NWD2: variants seen among roughly 807,000 people sequenced by gnomAD.
NWD2 encodes the protein NACHT and WD repeat domain containing 2.
NWD2 carries 37 observed loss-of-function variants against 132.7 expected under a neutral mutation model. That is an observed-to-expected ratio of 0.28 (90% CI 0.21 to 0.37). The LOEUF (loss-of-function observed/expected upper bound fraction) is 0.37. Ranked by LOEUF, NWD2 falls within the 10% of genes least tolerant of loss-of-function variation. NWD2 has a pLI of 1.00. For synonymous variants in NWD2, 705 were observed against 803.0 expected, an observed-to-expected ratio of 0.88 and a Z score of 2.06; for missense variants, 1,592 against 2,122.4, an observed-to-expected ratio of 0.75 and a Z score of 4.91.
intron 1 of NWD2, among the ~76,000 whole-genome samples, chr4:37,257,085 C>T (rs566705754): frequency 1.3e-5 from 2 of 152,230 alleles, no homozygotes; most frequent in East Asian, 3.9e-4. Context: ...CTCACTGCCC[C>T]ATGGACGGAC....
At chr4:37,437,250 C>T (rs540916364) in intron 5 of NWD2, among the ~76,000 whole-genome samples, 1 of 152,224 alleles carries the variant, frequency 6.6e-6, no homozygotes, top group East Asian at 1.9e-4. Context: ...GATCAAAGCA[C>T]CTGCAGATTC....
chr4:37,409,535 G>T (rs1317151818), intron 3 of NWD2, among the ~76,000 whole-genome samples: 1 of 152,076 alleles, frequency 6.6e-6, no homozygotes, highest in Non-Finnish European at 1.5e-5. Context: ...ACGTGTGATT[G>T]GTGTACCTGA....
chr4:37,279,937 G>GGAAA (rs969336160), intron 1 of NWD2, among the ~76,000 whole-genome samples: 4 of 152,250 alleles, frequency 2.6e-5, no homozygotes, highest in African/African-American at 9.6e-5. Flanking sequence ...AAGAGTGAGG[G>GGAAA]GAAAGCCTTT....
intron 3 of NWD2, among the ~76,000 whole-genome samples, chr4:37,366,075 TAA>T (rs1037839778): frequency 2.2e-4 from 33 of 152,220 alleles, no homozygotes; most frequent in Non-Finnish European, 4.3e-4. Flanking sequence ...CATTTCTTGG[TAA>T]GCTGGCTTTA....
intron 3 of NWD2, among the ~76,000 whole-genome samples, chr4:37,384,609 A>C (rs1720521765): frequency 6.6e-6 from 1 of 152,218 alleles, no homozygotes; most frequent in Admixed American, 6.5e-5. Flanking sequence ...TAATGCTAGA[A>C]CTGCTGGTGT....
intron 1 of NWD2, among the ~76,000 whole-genome samples, chr4:37,282,933 C>T (rs984822355): frequency 2.6e-5 from 4 of 152,122 alleles, no homozygotes; most frequent in African/African-American, 7.2e-5. Flanking sequence ...TACTATGTAA[C>T]TTACAGATTA....
At chr4:37,348,675 T>TACAC (rs1172614596) in intron 2 of NWD2, among the ~76,000 whole-genome samples, 4,253 of 22,322 alleles carry the variant, frequency 0.19, 1,007 homozygotes, top group Middle Eastern at 0.28. Flanking sequence ...TATATATATA[T>TACAC]ACACACACAC....
At chr4:37,276,494 G>A (rs1718015911) in intron 1 of NWD2, among the ~76,000 whole-genome samples, 1 of 152,134 alleles carries the variant, frequency 6.6e-6, no homozygotes, top group African/African-American at 2.4e-5. Context: ...ACTGTTGGTG[G>A]GAACATAAAC....
rs1033000662 is a variant in NWD2, at chr4:37,448,619, T to C, written c.*1402T>C. The C allele has an allele frequency of 6.6e-6, 1 of 152,242 alleles. No individual in the cohort carries two copies. Among genetic ancestry groups the C allele is most frequent in the African/African-American group, 2.4e-5 (1 of 41,458 alleles). The allele number at this position is 152,242 out of a possible 1,614,324, so 9.4% of individuals were successfully genotyped here. On this transcript the variant is annotated 3_prime_UTR_variant, in exon 7 of 7. Transcript: ENST00000309447. ...ACACTTTTGGTTGAGTTTAGTTTTC[T>C]TAGAAAGTAGAGAAGTAACACTTTA...
At chr4:37,277,333 T>C (rs183972998) in intron 1 of NWD2, among the ~76,000 whole-genome samples, 114 of 152,192 alleles carry the variant, frequency 7.5e-4, no homozygotes, top group African/African-American at 2.4e-3. Context: ...TGGAACGTTT[T>C]AGCTGTTATT....
chr4:37,307,648 T>C (rs1379264054), intron 1 of NWD2, among the ~76,000 whole-genome samples: 1 of 152,214 alleles, frequency 6.6e-6, no homozygotes, highest in East Asian at 1.9e-4. Flanking sequence ...TTCCTGTATC[T>C]GAATATCCAT....
intron 6 of NWD2, among the ~76,000 whole-genome samples, chr4:37,442,207 C>T (rs1235625571): frequency 6.6e-6 from 1 of 152,146 alleles, no homozygotes; most frequent in East Asian, 1.9e-4. Context: ...ACAAACTTAC[C>T]TCCTAATGTG....
At chr4:37,384,363 G>A (rs539027092) in intron 3 of NWD2, among the ~76,000 whole-genome samples, 3 of 152,236 alleles carry the variant, frequency 2.0e-5, no homozygotes, top group African/African-American at 7.2e-5. Context: ...CTGGTTCCTA[G>A]GGATAAGCCC....
intron 1 of NWD2, among the ~76,000 whole-genome samples, chr4:37,272,859 C>G (rs527492654): frequency 6.6e-6 from 1 of 151,722 alleles, no homozygotes; most frequent in Non-Finnish European, 1.5e-5. Context: ...GTGTAAACCA[C>G]CTTTCTGATG....
chr4:37,332,427 T>C lies in NWD2; in HGVS notation c.240+6403T>C, dbSNP rs186946118. Among the ~76,000 whole-genome samples, 800 of 148,278 alleles carry C rather than the reference T, an allele frequency of 5.4e-3. 12 individuals are homozygous for C. Among genetic ancestry groups the C allele is most frequent in the African/African-American group, 0.019 (758 of 39,984 alleles). On this transcript the variant is annotated intron_variant, in intron 2 of 6. Transcript: ENST00000309447. ...CTCCCAGATGACATTTTTATACATA[T>C]CTTAGGCCAGAAGGTAACCTGCTGC...
intron 1 of NWD2, among the ~76,000 whole-genome samples, chr4:37,283,179 A>G (rs543812312): frequency 1.1e-4 from 16 of 152,202 alleles, no homozygotes; most frequent in Admixed American, 2.0e-4. Flanking sequence ...GCCTTCTCCC[A>G]GTAAAAATGT....
chr4:37,321,360 T>C (rs1275870332), intron 1 of NWD2, among the ~76,000 whole-genome samples: 2 of 152,212 alleles, frequency 1.3e-5, no homozygotes, highest in African/African-American at 2.4e-5. Flanking sequence ...CCCCAACTAA[T>C]GTACTTCCTG....
rs1389853385 is a variant in NWD2, at chr4:37,446,495, G to A, written c.4507G>A (p.Val1503Met). The A allele has an allele frequency of 6.4e-7, 1 of 1,551,594 alleles. No homozygotes were observed. Among genetic ancestry groups the A allele is most frequent in the Non-Finnish European group, 8.7e-7 (1 of 1,147,016 alleles). Residue 1503 changes from valine (V) to methionine (M), a missense_variant, in exon 7 of 7, where the codon GTG becomes ATG. Physicochemically the swap from Val to Met is conservative, Grantham distance 21 (BLOSUM62 1). Around this residue, in one of 7 missense-constraint regions of NWD2, gnomAD observed 257 missense variants for 335.0 expected, o/e 0.77. Transcript: ENST00000309447. This position sits in a 1 kb window ranked among gnomAD's most constrained non-coding sequence, Gnocchi z 6.7. ...IIVFITSAET[V>M]NIWSLTDEVI... ...CGTGTTTATCACATCGGCCGAGACT[G>A]TGAACATCTGGAGTCTGACAGATGA...
chr4:37,357,276 T>C lies in NWD2; in HGVS notation c.357+794T>C, dbSNP rs370968477. 3.9e-5 allele frequency among the ~76,000 whole-genome samples: 6 copies of C among 152,074 alleles called. No homozygotes were observed. The East Asian group carries it at 9.6e-4, about 24-fold the overall frequency. On this transcript the variant is annotated intron_variant, in intron 3 of 6. Transcript: ENST00000309447. ...GTGTTAAAATTACCAGTGAGTGCTA[T>C]GAAAAAAAATCACACCGTACTGTTA...
Sources: gnomAD v4.1 joint callset for allele counts (sites outside exome capture counted in the v4.1 genomes callset) on GRCh38, gnomAD v4.1.1 for gene constraint, gnomAD v4.1.1 regional missense constraint, Gnocchi (gnomAD v3.1) non-coding constraint, MANE v1.5 for transcripts, NCBI Gene and HGNC (gene_info 2026-07-23, HGNC 2026-07-21) for gene names.